The following STAMBP variants were observed in gnomAD, a reference collection of about 807,000 sequenced individuals.
STAMBP encodes the protein STAM-binding protein.
STAMBP carries 31 observed loss-of-function variants against 50.7 expected under a neutral mutation model. The observed-to-expected ratio is 0.61, with a 90% CI of 0.46 to 0.83. STAMBP has a LOEUF of 0.83. Among genes scored for constraint, STAMBP ranks in the 40% least tolerant of loss-of-function variants. The probability of loss-of-function intolerance (pLI) is 0.00; values close to 1 mark genes in which losing one functional copy is unlikely to be tolerated. For synonymous variants in STAMBP, 211 were observed against 192.4 expected, an observed-to-expected ratio of 1.10 and a Z score of -0.80; for missense variants, 472 against 518.9, an observed-to-expected ratio of 0.91 and a Z score of 0.88.
At chr2:73,873,099 C>T (rs1679263701) in intron 10 of STAMBP, among the ~76,000 whole-genome samples, 1 of 152,218 alleles carries the variant, frequency 6.6e-6, no homozygotes, top group Non-Finnish European at 1.5e-5. Flanking sequence ...CCAGCTGAGA[C>T]ACCGGGTTGT....
At chr2:73,844,620 G>A in intron 2 of STAMBP, 193 bp from the exon 3 acceptor site, 1 of 403,910 alleles carries the variant, frequency 2.5e-6, no homozygotes, top group Non-Finnish European at 4.4e-6. Flanking sequence ...TGGGAGTAGA[G>A]GAAAAGACTC....
intron 8 of STAMBP, among the ~76,000 whole-genome samples, chr2:73,859,775 G>A (rs762962700): frequency 2.6e-5 from 4 of 151,902 alleles, no homozygotes; most frequent in African/African-American, 4.8e-5. Flanking sequence ...ATCTCAGAAT[G>A]CACTTCTTTT....
In STAMBP at chr2:73,862,247, A is replaced by G. The variant is rs758194358; in HGVS notation, c.1263A>G (p.Thr421=). ...TTGTGGACAGAGCAGTGACCATCACAGACCTTCGATGAGCGTTTGAGTCCA... is the reference window on the plus strand; with the variant it reads ...TTGTGGACAGAGCAGTGACCATCACGGACCTTCGATGAGCGTTTGAGTCCA... ...VTVVDRAVTI[T]DLR Residue 421 remains threonine (T), a synonymous_variant, in exon 10 of 10, where the codon ACA becomes ACG. Transcript: ENST00000394070. 3 of 1,612,332 alleles carry G rather than the reference A, an allele frequency of 1.9e-6. No individual in the cohort carries two copies. Among genetic ancestry groups the G allele is most frequent in the Non-Finnish European group, 2.5e-6 (3 of 1,179,336 alleles).
At chr2:73,845,033 G>A (rs2104459464) in intron 3 of STAMBP, 134 bp from the exon 4 acceptor site, 1 of 1,522,956 alleles carries the variant, frequency 6.6e-7, no homozygotes, top group Non-Finnish European at 8.8e-7. Flanking sequence ...TTCTGAAGTA[G>A]CAGGTATGGT....
At position 73,859,532 on chromosome 2, in the gene STAMBP, T is replaced by A. The variant is rs1055888; in HGVS notation, c.1118+166T>A. Among the ~76,000 whole-genome samples the A allele has an allele frequency of 0.12, 18,244 of 152,176 alleles. 1,290 individuals carry two copies. The highest frequency in any genetic ancestry group is 0.19 in the African/African-American group (7,845 of 41,502). ...TCCTTTTAAGCCCCATATCATGATT[T>A]ATCTATCATGCTTGTTCAAAAAGAT... On this transcript the variant is annotated intron_variant, in intron 8 of 9. Coordinates refer to ENST00000394070, the MANE Select transcript of STAMBP (RefSeq NM_213622.4).
In STAMBP at chr2:73,862,001, G is replaced by A. The variant is rs1014367722; in HGVS notation, c.1219-202G>A. Among the ~76,000 whole-genome samples the A allele has an allele frequency of 2.0e-5, 3 of 152,122 alleles. No homozygotes were observed. The East Asian group carries it at 5.8e-4, about 29-fold the overall frequency. ...AAAAACACAAAATTAGCCAGGCATG[G>A]TGGCTCGTGCCTGTAATCCCAGCTA... is the stretch of plus-strand genomic sequence containing the variant. On this transcript the variant is annotated intron_variant, in intron 9 of 9. Transcript: ENST00000394070.
chr2:73,870,620 C>T (rs1679164087), downstream of STAMBP, among the ~76,000 whole-genome samples: 1 of 152,126 alleles, frequency 6.6e-6, no homozygotes, highest in South Asian at 2.1e-4. Context: ...TGGTGGGTGA[C>T]AGAAGTGAAA....
intron 5 of STAMBP, among the ~76,000 whole-genome samples, chr2:73,848,068 G>A (rs1368059787): frequency 6.6e-6 from 1 of 152,196 alleles, no homozygotes; most frequent in East Asian, 1.9e-4. Flanking sequence ...TCAGACTGCT[G>A]TGTGACTCTG....
intron 7 of STAMBP, among the ~76,000 whole-genome samples, chr2:73,856,604 T>C (rs1340569761): frequency 6.6e-6 from 1 of 152,198 alleles, no homozygotes; most frequent in East Asian, 1.9e-4. Context: ...TCACAATTGT[T>C]GAGGACACCC....
At chr2:73,859,104 A>T in intron 7 of STAMBP, 150 bp from the exon 8 acceptor site, 2 of 615,096 alleles carry the variant, frequency 3.3e-6, no homozygotes, top group Non-Finnish European at 5.9e-6. Context: ...TGTGAAGATG[A>T]TCTCTCTTTC....
At position 73,844,722 on chromosome 2, in the gene STAMBP, A is replaced by G; in HGVS notation, c.204-91A>G. 4 of 1,062,584 alleles carry G rather than the reference A, an allele frequency of 3.8e-6. No homozygotes were observed. In the South Asian group the frequency reaches 6.2e-5, roughly 16 times the overall value. The allele number at this position is 1,062,584 out of a possible 1,614,324, so 65.8% of individuals were successfully genotyped here. On this transcript the variant is annotated intron_variant, in intron 2 of 9. Coordinates refer to ENST00000394070, the MANE Select transcript of STAMBP (RefSeq NM_213622.4). ...GCTGCACTTCTGGAACCTTTCATAT[A>G]AGGGCTTCAGGATAAGGGGGTTGCA...
intron 2 of STAMBP, among the ~76,000 whole-genome samples, chr2:73,838,471 T>A (rs78606233): frequency 0.056 from 8,487 of 152,156 alleles, 393 homozygotes; most frequent in Non-Finnish European, 0.083. Flanking sequence ...TGTGTATGTA[T>A]TTTAAGTTAG....
At chr2:73,851,429 A>G (rs1369508309) in intron 7 of STAMBP, among the ~76,000 whole-genome samples, 1 of 152,208 alleles carries the variant, frequency 6.6e-6, no homozygotes, top group Non-Finnish European at 1.5e-5. Context: ...AGAACGTGCT[A>G]AAGGCCACAA....
chr2:73,835,216 T>G (rs914321693), intron 2 of STAMBP, among the ~76,000 whole-genome samples: 1 of 151,984 alleles, frequency 6.6e-6, no homozygotes, highest in Non-Finnish European at 1.5e-5. Context: ...TAGCCGGGCG[T>G]GGTGGCCCAC....
chr2:73,832,108 T>C (rs200160889), intron 2 of STAMBP, among the ~76,000 whole-genome samples: 3,009 of 122,752 alleles, frequency 0.025, 196 homozygotes, highest in African/African-American at 0.082. Flanking sequence ...TATATATATA[T>C]ACACATATAT....
At chr2:73,852,936 G>A (rs894016946) in intron 7 of STAMBP, among the ~76,000 whole-genome samples, 2 of 124,054 alleles carry the variant, frequency 1.6e-5, no homozygotes, top group Non-Finnish European at 3.0e-5. Flanking sequence ...GTGTGTGTGT[G>A]TGTGTGTGTG....
At chr2:73,854,839 A>C (rs1677340415) in intron 7 of STAMBP, among the ~76,000 whole-genome samples, 2 of 152,078 alleles carry the variant, frequency 1.3e-5, no homozygotes, top group Non-Finnish European at 2.9e-5. Context: ...TAAAAAAAAA[A>C]TTATGCATTT....
At chr2:73,834,441 T>A (rs543824088) in intron 2 of STAMBP, among the ~76,000 whole-genome samples, 1 of 151,442 alleles carries the variant, frequency 6.6e-6, no homozygotes, top group South Asian at 2.1e-4. Context: ...GAGAATGTTA[T>A]TAAGAAAATC....
intron 10 of STAMBP, among the ~76,000 whole-genome samples, chr2:73,872,359 G>A (rs896405632): frequency 2.6e-5 from 4 of 152,202 alleles, no homozygotes; most frequent in South Asian, 4.1e-4. Flanking sequence ...AAAAAGTGCT[G>A]TTAGCTTTAG....
Sources: gnomAD v4.1 joint callset for allele counts (sites outside exome capture counted in the v4.1 genomes callset) on GRCh38, gnomAD v4.1.1 for gene constraint, MANE v1.5 for transcripts, NCBI Gene and HGNC (gene_info 2026-07-23, HGNC 2026-07-21) for gene names.